The following RP1 variants were observed in gnomAD, a reference collection of about 807,000 sequenced individuals.
RP1 encodes the protein oxygen-regulated protein 1.
A neutral mutation model predicts 14.8 loss-of-function variants in RP1; 16 were observed. That is an observed-to-expected ratio of 1.08 (90% CI 0.73 to 1.65). The LOEUF (loss-of-function observed/expected upper bound fraction) is 1.65. Ranked by LOEUF, RP1 falls within the 40% of genes most tolerant of loss-of-function variation. The pLI is 0.00. For synonymous variants in RP1, 876 were observed against 883.6 expected (o/e 0.99, Z 0.15); for missense variants, 2,631 against 2,535.0 (o/e 1.04, Z -0.81).
At chr8:54,673,945 G>C (rs963204627) in intron 8 of RP1, 2 of 1,515,678 alleles carry the variant, frequency 1.3e-6, no homozygotes, top group Admixed American at 2.0e-5. Flanking sequence ...CTCTTCCACA[G>C]AGAGTTCATG....
At chr8:54,645,608 T>G (rs1221837016) in intron 3 of RP1, among the ~76,000 whole-genome samples, 2 of 152,180 alleles carry the variant, frequency 1.3e-5, no homozygotes, top group African/African-American at 4.8e-5. Flanking sequence ...TAATATTTTG[T>G]TGAGAATATT....
At chr8:54,755,475 A>AT (rs1809480669) in intron 20 of RP1, 1 of 783,770 alleles carries the variant, frequency 1.3e-6, no homozygotes, top group Non-Finnish European at 1.9e-6. Context: ...CTCTCAATAG[A>AT]CACAGAAAAT....
intron 19 of RP1, among the ~76,000 whole-genome samples, chr8:54,742,307 A>G (rs1809117963): frequency 6.6e-6 from 1 of 152,328 alleles, no homozygotes; most frequent in Admixed American, 6.5e-5. Flanking sequence ...TTGGAATACC[A>G]CTGATAGAGT....
chr8:54,741,030 T>C (rs981742069), intron 19 of RP1, among the ~76,000 whole-genome samples: 7 of 150,980 alleles, frequency 4.6e-5, no homozygotes, highest in African/African-American at 1.7e-4. Flanking sequence ...GAGTGAGACT[T>C]TGTCTCAAAA....
Position 54,625,059 on chromosome 8 carries a change from CCT to C in RP1, c.1178_1179del (p.Pro393HisfsTer6). The C allele has an allele frequency of 6.2e-7, 1 of 1,614,118 alleles. No homozygotes were observed. Among genetic ancestry groups the C allele is most frequent in the Non-Finnish European group, 8.5e-7 (1 of 1,180,028 alleles). ...AACSFSADVS[P>X]MERSSNQEGS... ...ATGTTCATTCTCTGCAGATGTGTCA[CCT>C]ATGGAGCGAAGCAGTAATCAAGAGG... On this transcript the variant is annotated frameshift_variant, in exon 4 of 4. Transcript: ENST00000220676. LOFTEE classifies it low-confidence loss of function (END_TRUNC).
intron 24 of RP1, among the ~76,000 whole-genome samples, chr8:54,792,884 A>G (rs1810500282): frequency 6.6e-6 from 1 of 151,858 alleles, no homozygotes; most frequent in Non-Finnish European, 1.5e-5. Flanking sequence ...GAACAATAGA[A>G]AAGATCAATA....
chr8:54,769,704 CCTCTCTCTTTCTTTCTCT>C, intron 22 of RP1: 1 of 1,298,812 alleles, frequency 7.7e-7, no homozygotes, highest in Non-Finnish European at 1.1e-6. Context: ...TCTATTTTCT[CCTCTCTCTTTCTTTCTCT>C]CTCTCTCTTT....
chr8:54,785,990 A>G (rs1319575689), intron 24 of RP1, among the ~76,000 whole-genome samples: 1 of 152,110 alleles, frequency 6.6e-6, no homozygotes, highest in Non-Finnish European at 1.5e-5. Context: ...ATCTGTTATC[A>G]TATCGATAAC....
chr8:54,673,699 C>T (rs142078438), intron 7 of RP1: 2 of 621,392 alleles, frequency 3.2e-6, no homozygotes, highest in African/African-American at 1.9e-5. Flanking sequence ...AAGATTGTGT[C>T]ATTGCACTCC....
chr8:54,738,673 A>G (rs1808996933), intron 18 of RP1, among the ~76,000 whole-genome samples: 1 of 151,976 alleles, frequency 6.6e-6, no homozygotes. Flanking sequence ...CAGAGAACTG[A>G]GCATATGTGT....
intron 22 of RP1, among the ~76,000 whole-genome samples, chr8:54,766,591 A>G (rs1260856895): frequency 1.3e-5 from 2 of 152,132 alleles, no homozygotes; most frequent in African/African-American, 2.4e-5. Flanking sequence ...TTCTTCTGCC[A>G]TTTTCAATGT....
Position 54,569,955 on chromosome 8 carries a change from T to C in RP1, c.-13+10635T>C, listed in dbSNP as rs1011747219. Among the ~76,000 whole-genome samples the C allele has an allele frequency of 3.3e-5, 5 of 151,850 alleles. No individual in the cohort carries two copies. The East Asian group carries it at 9.7e-4, about 29-fold the overall frequency. ...CTGAGACCTGGAGGACGAGTGGGAG[T>C]ATGGAGAGAGCACATACCCCACACT... On this transcript the variant is annotated intron_variant, in intron 1 of 22. Coordinates refer to the RP1 transcript ENST00000636932.
At position 54,624,673 on chromosome 8, in the gene RP1, GCA is replaced by G. The variant is rs771658338; in HGVS notation, c.796_797del (p.His266TyrfsTer15). On this transcript the variant is annotated frameshift_variant, in exon 4 of 4. Coordinates refer to ENST00000220676, the MANE Select transcript of RP1 (RefSeq NM_006269.2). LOFTEE classifies it low-confidence loss of function (END_TRUNC). ...TTTACTCTTAAAATCTTTAAAGTAAGCACACATATGTCTTCAAGCTCAAGGTC... is the reference window on the plus strand; with the variant it reads ...TTTACTCTTAAAATCTTTAAAGTAAGCACATATGTCTTCAAGCTCAAGGTC... 6.2e-7 allele frequency: 1 copy of G among 1,613,534 alleles called. No homozygotes were observed. Among genetic ancestry groups the G allele is most frequent in the East Asian group, 2.2e-5 (1 of 44,812 alleles).
At chr8:54,815,267 C>T (rs1389605487) in intron 24 of RP1, among the ~76,000 whole-genome samples, 1 of 152,022 alleles carries the variant, frequency 6.6e-6, no homozygotes, top group Non-Finnish European at 1.5e-5. Context: ...GTCCAAACCC[C>T]TCAAATTGTA....
chr8:54,848,927 T>G (rs1811993717), intron 25 of RP1, among the ~76,000 whole-genome samples: 1 of 152,126 alleles, frequency 6.6e-6, no homozygotes, highest in Non-Finnish European at 1.5e-5. Context: ...TTTTGTATTT[T>G]TAGTAGAGAT....
chr8:54,672,639 T>G (rs114646012), intron 7 of RP1, among the ~76,000 whole-genome samples: 4,477 of 152,328 alleles, frequency 0.029, 127 homozygotes, highest in African/African-American at 0.066. Flanking sequence ...GTATGTATAT[T>G]GTTAAATGTG....
intron 12 of RP1, chr8:54,696,467 C>A: frequency 3.4e-6 from 3 of 886,386 alleles, no homozygotes; most frequent in Non-Finnish European, 5.5e-6. Context: ...GAAAGCTTAT[C>A]AAGCCCTCGA....
At chr8:54,866,612 A>G (rs935889718) in intron 28 of RP1, among the ~76,000 whole-genome samples, 1 of 152,178 alleles carries the variant, frequency 6.6e-6, no homozygotes, top group Non-Finnish European at 1.5e-5. Context: ...TCCATTATTA[A>G]CCAATCTACA....
intron 3 of RP1, among the ~76,000 whole-genome samples, chr8:54,637,225 A>C (rs575615630): frequency 6.6e-6 from 1 of 152,302 alleles, no homozygotes; most frequent in South Asian, 2.1e-4. Flanking sequence ...AAGTATGTAG[A>C]GTGCTATGTA....
Sources: gnomAD v4.1 joint callset for allele counts (sites outside exome capture counted in the v4.1 genomes callset) on GRCh38, gnomAD v4.1.1 for gene constraint, MANE v1.5 for transcripts, NCBI Gene and HGNC (gene_info 2026-07-23, HGNC 2026-07-21) for gene names.